The following NPAS3 variants were observed in gnomAD, a reference collection of about 807,000 sequenced individuals.
The protein encoded by NPAS3 is neuronal PAS domain protein 3, also known as neuronal PAS domain-containing protein 3.
In NPAS3, 14 loss-of-function variants were observed where a neutral mutation model predicts 73.1. The observed-to-expected ratio is 0.19, with a 90% CI of 0.13 to 0.30. NPAS3 has a LOEUF of 0.30. Ranked by LOEUF, NPAS3 falls within the 10% of genes least tolerant of loss-of-function variation. The pLI is 1.00. For synonymous variants in NPAS3, 620 were observed against 541.5 expected, an observed-to-expected ratio of 1.14 and a Z score of -2.01; for missense variants, 1,096 against 1,250.0, an observed-to-expected ratio of 0.88 and a Z score of 1.86.
intron 1 of NPAS3, among the ~76,000 whole-genome samples, chr14:33,054,737 C>T (rs975114579): frequency 6.6e-6 from 1 of 151,816 alleles, no homozygotes; most frequent in Non-Finnish European, 1.5e-5. Context: ...CTCAGCCTCC[C>T]AAGTAGCTGG....
chr14:33,568,139 AAGG>A (rs2056053260), intron 5 of NPAS3, among the ~76,000 whole-genome samples: 1 of 152,210 alleles, frequency 6.6e-6, no homozygotes. Flanking sequence ...AATACTTTGT[AAGG>A]AGCTAGTTCA....
intron 4 of NPAS3, among the ~76,000 whole-genome samples, chr14:33,541,462 C>A (rs1050269253): frequency 1.3e-5 from 2 of 152,152 alleles, no homozygotes; most frequent in African/African-American, 4.8e-5. Context: ...TGGATAGAGA[C>A]CTGGTTCTTA....
chr14:33,589,309 T>C (rs1218503577), intron 5 of NPAS3, among the ~76,000 whole-genome samples: 1 of 152,214 alleles, frequency 6.6e-6, no homozygotes, highest in Non-Finnish European at 1.5e-5. Flanking sequence ...AAATTCTATT[T>C]GTAGTTGAAT....
chr14:33,400,922 AC>A (rs764355276), intron 4 of NPAS3, among the ~76,000 whole-genome samples: 142 of 60,172 alleles, frequency 2.4e-3, no homozygotes, highest in Non-Finnish European at 4.4e-3. Flanking sequence ...CAACTTACAT[AC>A]TTTTTGTCTT....
At chr14:33,473,773 G>T (rs1190148673) in intron 4 of NPAS3, among the ~76,000 whole-genome samples, 1 of 152,154 alleles carries the variant, frequency 6.6e-6, no homozygotes, top group Non-Finnish European at 1.5e-5. Flanking sequence ...ATGCAGTTTA[G>T]CTTGCTGCCT....
chr14:33,176,529 T>A lies in NPAS3; in HGVS notation c.141-38653T>A, dbSNP rs1303546339. 4.6e-5 allele frequency among the ~76,000 whole-genome samples: 7 copies of A among 152,362 alleles called. No homozygotes were observed. The East Asian group carries it at 1.2e-3, about 25-fold the overall frequency. On this transcript the variant is annotated intron_variant, in intron 2 of 11. Coordinates refer to ENST00000356141, the Ensembl canonical transcript of NPAS3. ...TAGCATGAATTACTTATTTCTTACGTGTTGTAGCATGTATCAAAAATTCAT... is the reference window on the plus strand; with the variant it reads ...TAGCATGAATTACTTATTTCTTACGAGTTGTAGCATGTATCAAAAATTCAT...
chr14:33,241,900 A>G (rs188746123), intron 3 of NPAS3, among the ~76,000 whole-genome samples: 7 of 152,168 alleles, frequency 4.6e-5, no homozygotes, highest in African/African-American at 1.7e-4. Flanking sequence ...TGCATGGTGA[A>G]TAGTTTCCTT....
chr14:33,439,998 C>A (rs1196299745), intron 4 of NPAS3, among the ~76,000 whole-genome samples: 1 of 151,974 alleles, frequency 6.6e-6, no homozygotes, highest in Non-Finnish European at 1.5e-5. Flanking sequence ...CGCCTGTAGT[C>A]CCAGCCACTC....
At chr14:33,464,403 G>A (rs1232537670) in intron 4 of NPAS3, among the ~76,000 whole-genome samples, 3 of 152,132 alleles carry the variant, frequency 2.0e-5, no homozygotes, top group African/African-American at 7.2e-5. Context: ...ATCTATTGTT[G>A]AAATAGCTCC....
Position 33,444,258 on chromosome 14 carries a change from T to C in NPAS3, c.468+76990T>C, listed in dbSNP as rs562930606. Among the ~76,000 whole-genome samples the C allele has an allele frequency of 2.0e-5, 3 of 152,292 alleles. No homozygotes were observed. The East Asian group carries it at 5.8e-4, about 29-fold the overall frequency. On this transcript the variant is annotated intron_variant, in intron 4 of 11. Coordinates refer to ENST00000356141, the Ensembl canonical transcript of NPAS3. Reference sequence around the variant, plus strand: ...CCACAGTTGCAGTGTTACAACTTTGTTTAAGGTTCTTGTCTATACCTCCTC... The same window carrying C: ...CCACAGTTGCAGTGTTACAACTTTGCTTAAGGTTCTTGTCTATACCTCCTC...
chr14:33,044,685 G>A (rs949448028), intron 1 of NPAS3, among the ~76,000 whole-genome samples: 5 of 149,182 alleles, frequency 3.4e-5, no homozygotes, highest in African/African-American at 1.2e-4. Context: ...GAGGGCAGAA[G>A]AGTAAACCCA....
intron 4 of NPAS3, among the ~76,000 whole-genome samples, chr14:33,529,661 A>C (rs535352120): frequency 1.3e-5 from 2 of 152,044 alleles, no homozygotes; most frequent in South Asian, 4.2e-4. Flanking sequence ...TTTCTTAAGC[A>C]TGTTGGCTGT....
chr14:33,459,068 C>G (rs1009027117), intron 4 of NPAS3, among the ~76,000 whole-genome samples: 2 of 152,180 alleles, frequency 1.3e-5, no homozygotes, highest in African/African-American at 4.8e-5. Flanking sequence ...CCTTTTTAGA[C>G]CATATAGGGT....
At chr14:33,731,442 A>G (rs1291596835) in intron 6 of NPAS3, among the ~76,000 whole-genome samples, 5 of 136,982 alleles carry the variant, frequency 3.7e-5, no homozygotes, top group African/African-American at 1.5e-4. Context: ...AAAAAAAAAG[A>G]GAGAGAGAAA....
intron 3 of NPAS3, among the ~76,000 whole-genome samples, chr14:33,322,688 GT>G (rs1425048224): frequency 2.0e-5 from 3 of 152,044 alleles, no homozygotes; most frequent in Non-Finnish European, 4.4e-5. Context: ...CTAACTAAAA[GT>G]TTTTCTGAGC....
intron 1 of NPAS3, among the ~76,000 whole-genome samples, chr14:32,959,078 T>C (rs914356444): frequency 1.3e-5 from 2 of 152,234 alleles, no homozygotes; most frequent in Admixed American, 1.3e-4. Flanking sequence ...GAATTTGTGT[T>C]GGGCCCTGGG....
chr14:33,099,204 T>G (rs1229960402), intron 2 of NPAS3, among the ~76,000 whole-genome samples: 1 of 152,220 alleles, frequency 6.6e-6, no homozygotes, highest in Non-Finnish European at 1.5e-5. Flanking sequence ...CTCCTGTGAC[T>G]GCTCAGCTTT....
At chr14:33,682,229 A>G (rs1286632949) in intron 6 of NPAS3, among the ~76,000 whole-genome samples, 1 of 152,200 alleles carries the variant, frequency 6.6e-6, no homozygotes, top group East Asian at 1.9e-4. Flanking sequence ...TTGATTTAAA[A>G]TGCATTCCTA....
chr14:32,983,700 A>G (rs184766465), intron 1 of NPAS3, among the ~76,000 whole-genome samples: 35 of 152,140 alleles, frequency 2.3e-4, no homozygotes, highest in African/African-American at 7.7e-4. Flanking sequence ...TATAACACAT[A>G]TTTAATGAAA....
Sources: allele counts gnomAD v4.1 joint callset (sites outside exome capture counted in the v4.1 genomes callset), GRCh38; gene constraint gnomAD v4.1.1; transcripts MANE v1.5; gene names NCBI Gene and HGNC (gene_info 2026-07-23, HGNC 2026-07-21).